The following LMBR1 variants were observed in gnomAD, a reference collection of about 807,000 sequenced individuals.
The protein encoded by LMBR1 is limb region 1 protein homolog.
LMBR1 carries 52 observed loss-of-function variants against 73.9 expected under a neutral mutation model. That is an observed-to-expected ratio of 0.70 (90% confidence interval 0.56 to 0.89). The LOEUF is 0.89. LMBR1 is among the 40% of genes least tolerant of loss of function. LMBR1 has a pLI of 0.00. For missense variants in LMBR1, 539 were observed against 579.8 expected, an observed-to-expected ratio of 0.93 and a Z score of 0.72; for synonymous variants, 215 against 209.4, an observed-to-expected ratio of 1.03 and a Z score of -0.23.
chr7:156,862,164 C>T (rs1586298525), intron 1 of LMBR1, among the ~76,000 whole-genome samples: 1 of 152,204 alleles, frequency 6.6e-6, no homozygotes, highest in South Asian at 2.1e-4. Context: ...TTCCACATGG[C>T]TGGAGAGGCC....
At chr7:156,839,047 CTTTTTTTTTTT>C (rs1164786244) in intron 1 of LMBR1, among the ~76,000 whole-genome samples, 1 of 98,520 alleles carries the variant, frequency 1.0e-5, no homozygotes, top group African/African-American at 4.0e-5. Flanking sequence ...TAGTCCTTTG[CTTTTTTTTTTT>C]TTTTTTTTTG....
chr7:156,747,126 G>A (rs1404549569), intron 9 of LMBR1, among the ~76,000 whole-genome samples: 3 of 152,072 alleles, frequency 2.0e-5, no homozygotes, highest in Non-Finnish European at 4.4e-5. Context: ...ATTCCCCTTA[G>A]GTGATTGGCA....
intron 15 of LMBR1, among the ~76,000 whole-genome samples, chr7:156,703,906 G>A (rs1379487939): frequency 2.0e-5 from 3 of 152,154 alleles, no homozygotes; most frequent in Non-Finnish European, 4.4e-5. Context: ...TGTACCCACT[G>A]TAGCTGGCTC....
downstream of LMBR1, chr7:156,676,272 A>C (rs1311453353): frequency 5.2e-6 from 8 of 1,553,306 alleles, no homozygotes; most frequent in Non-Finnish European, 6.1e-6. Flanking sequence ...TATATAAATA[A>C]AATGCATGTG....
At chr7:156,772,221 C>T (rs1366344845) in intron 5 of LMBR1, among the ~76,000 whole-genome samples, 2 of 152,092 alleles carry the variant, frequency 1.3e-5, no homozygotes, top group African/African-American at 2.4e-5. Context: ...TTGCAGTGAG[C>T]CAAGATCGTA....
intron 9 of LMBR1, chr7:156,736,607 G>A (rs774941625): frequency 2.6e-5 from 12 of 456,860 alleles, no homozygotes; most frequent in Non-Finnish European, 5.3e-5. Context: ...CCCGCACAAA[G>A]CATTCCCACT....
At chr7:156,856,160 A>G (rs1796939573) in intron 1 of LMBR1, among the ~76,000 whole-genome samples, 1 of 152,134 alleles carries the variant, frequency 6.6e-6, no homozygotes, top group Non-Finnish European at 1.5e-5. Flanking sequence ...GCACCACTGC[A>G]CTCCAGCCAG....
chr7:156,769,320 G>T (rs1316297260), intron 5 of LMBR1, among the ~76,000 whole-genome samples: 1 of 152,114 alleles, frequency 6.6e-6, no homozygotes, highest in Non-Finnish European at 1.5e-5. Context: ...TACTGCCCTG[G>T]TGTCATACCA....
chr7:156,761,991 AACTT>A, intron 8 of LMBR1, 139 bp downstream of exon 8: 1 of 588,086 alleles, frequency 1.7e-6, no homozygotes, highest in Non-Finnish European at 3.0e-6. Flanking sequence ...AAAAAAAAAA[AACTT>A]AATAAAACAA....
At chr7:156,795,746 TCTCA>T (rs371709936) in intron 5 of LMBR1, among the ~76,000 whole-genome samples, 12 of 152,038 alleles carry the variant, frequency 7.9e-5, no homozygotes, top group African/African-American at 2.9e-4. Context: ...ACAGACAGGG[TCTCA>T]CTGTGTTGCC....
At chr7:156,763,580 G>C (rs1585634563) in intron 6 of LMBR1, 89 bp downstream of exon 6, 1 of 1,144,574 alleles carries the variant, frequency 8.7e-7, no homozygotes. Flanking sequence ...ACTACACAAA[G>C]ATTTAAATGT....
chr7:156,766,473 A>G (rs541326317), intron 5 of LMBR1, among the ~76,000 whole-genome samples: 1 of 152,198 alleles, frequency 6.6e-6, no homozygotes, highest in East Asian at 1.9e-4. Flanking sequence ...CAGACATCTC[A>G]GGTTTACAAC....
chr7:156,835,175 G>A lies in LMBR1; in HGVS notation c.140-1383C>T, dbSNP rs1837395206. Among the ~76,000 whole-genome samples, 5 of 151,984 alleles carry A rather than the reference G, an allele frequency of 3.3e-5. No individual in the cohort carries two copies. The South Asian group carries it at 1.0e-3, about 32-fold the overall frequency. On this transcript the variant is annotated intron_variant, in intron 2 of 16. Transcript: ENST00000353442. ...AAAAAAGAATACCACAAACCCTCCT[G>A]GCCCCTCCTTCTTAAATGCCTAATG...
chr7:156,870,070 A>G (rs1799043896), intron 1 of LMBR1, among the ~76,000 whole-genome samples: 1 of 152,218 alleles, frequency 6.6e-6, no homozygotes, highest in South Asian at 2.1e-4. Flanking sequence ...ATATAAAGCA[A>G]ACACTGACAG....
At chr7:156,886,316 T>C (rs747222967) in intron 1 of LMBR1, among the ~76,000 whole-genome samples, 1 of 152,178 alleles carries the variant, frequency 6.6e-6, no homozygotes, top group Non-Finnish European at 1.5e-5. Context: ...GTTTATATAT[T>C]TAACAGGTTA....
chr7:156,751,603 T>C (rs1820893988), intron 9 of LMBR1, among the ~76,000 whole-genome samples: 1 of 152,188 alleles, frequency 6.6e-6, no homozygotes, highest in Admixed American at 6.5e-5. Context: ...ATTAGGAAGC[T>C]ACCGCAAAAA....
chr7:156,731,801 G>A (rs1002343520), intron 10 of LMBR1, among the ~76,000 whole-genome samples: 1 of 151,868 alleles, frequency 6.6e-6, no homozygotes, highest in Non-Finnish European at 1.5e-5. Flanking sequence ...ACATTGTCAA[G>A]TATAATACTC....
At chr7:156,724,764 CTGTGTG>C (rs71189961) in intron 14 of LMBR1, among the ~76,000 whole-genome samples, 24,015 of 146,306 alleles carry the variant, frequency 0.16, 1,961 homozygotes, top group Middle Eastern at 0.21. Flanking sequence ...AAAGAAATAG[CTGTGTG>C]TGTGTGTGTG....
intron 4 of LMBR1, among the ~76,000 whole-genome samples, chr7:156,807,199 T>C (rs371762437): frequency 6.6e-6 from 1 of 152,326 alleles, no homozygotes; most frequent in African/African-American, 2.4e-5. Flanking sequence ...TCAGTTTTCA[T>C]GTATTGTCTG....
Sources: gnomAD v4.1 joint callset for allele counts (sites outside exome capture counted in the v4.1 genomes callset) on GRCh38, gnomAD v4.1.1 for gene constraint, MANE v1.5 for transcripts, NCBI Gene and HGNC (gene_info 2026-07-23, HGNC 2026-07-21) for gene names.